The following CNTNAP2 variants were observed in gnomAD, a reference collection of about 807,000 sequenced individuals.
CNTNAP2 encodes the protein contactin-associated protein-like 2.
A neutral mutation model predicts 155.2 loss-of-function variants in CNTNAP2; 98 were observed. The observed-to-expected ratio is 0.63, with a 90% CI of 0.54 to 0.75. CNTNAP2 has a LOEUF of 0.75. Ranked by LOEUF, CNTNAP2 falls within the 30% of genes least tolerant of loss-of-function variation. CNTNAP2 has a pLI of 0.00. For synonymous variants in CNTNAP2, 651 were observed against 631.2 expected, an observed-to-expected ratio of 1.03 and a Z score of -0.47; for missense variants, 1,727 against 1,688.1, an observed-to-expected ratio of 1.02 and a Z score of -0.40.
At chr7:147,738,719 A>G (rs1426998241) in intron 13 of CNTNAP2, among the ~76,000 whole-genome samples, 2 of 147,168 alleles carry the variant, frequency 1.4e-5, no homozygotes, top group African/African-American at 2.5e-5. Flanking sequence ...CAGTGGTGCA[A>G]TCTTGGGTCA....
chr7:146,296,132 G>C (rs1800511039), intron 1 of CNTNAP2, among the ~76,000 whole-genome samples: 1 of 152,088 alleles, frequency 6.6e-6, no homozygotes, highest in Non-Finnish European at 1.5e-5. Flanking sequence ...TCTGATGTTG[G>C]AATCACAAGG....
At chr7:148,331,470 T>G (rs1242241815) in intron 21 of CNTNAP2, among the ~76,000 whole-genome samples, 5 of 122,396 alleles carry the variant, frequency 4.1e-5, no homozygotes, top group African/African-American at 1.6e-4. Context: ...GATGGATAGA[T>G]GGAGTGGACG....
At chr7:147,015,106 T>C (rs1369006591) in intron 3 of CNTNAP2, among the ~76,000 whole-genome samples, 1 of 152,044 alleles carries the variant, frequency 6.6e-6, no homozygotes, top group African/African-American at 2.4e-5. Context: ...TTTTTTTTCT[T>C]TTTTCCCTCA....
intron 9 of CNTNAP2, among the ~76,000 whole-genome samples, chr7:147,309,882 A>C (rs1036205127): frequency 1.3e-5 from 2 of 152,122 alleles, no homozygotes; most frequent in African/African-American, 4.8e-5. Context: ...TAATACAAAA[A>C]AATTTTTAAG....
intron 3 of CNTNAP2, among the ~76,000 whole-genome samples, chr7:147,006,866 G>A (rs1798535151): frequency 1.3e-5 from 2 of 151,944 alleles, no homozygotes; most frequent in African/African-American, 4.8e-5. Flanking sequence ...GACACACAGG[G>A]GCAATTCAGC....
intron 3 of CNTNAP2, among the ~76,000 whole-genome samples, chr7:146,865,901 C>A (rs1390129042): frequency 6.6e-6 from 1 of 152,074 alleles, no homozygotes; most frequent in African/African-American, 2.4e-5. Flanking sequence ...AACACAATGA[C>A]CCGTTTTCCT....
At chr7:147,242,093 T>G (rs1479102175) in intron 8 of CNTNAP2, among the ~76,000 whole-genome samples, 1 of 152,230 alleles carries the variant, frequency 6.6e-6, no homozygotes, top group Non-Finnish European at 1.5e-5. Flanking sequence ...TTTGTAAATG[T>G]TTTTCTTTGA....
chr7:147,637,196 A>G (rs1795194912), intron 12 of CNTNAP2, among the ~76,000 whole-genome samples: 1 of 152,090 alleles, frequency 6.6e-6, no homozygotes, highest in Admixed American at 6.6e-5. Flanking sequence ...CTTATATTTG[A>G]AAAACCTCAC....
intron 8 of CNTNAP2, among the ~76,000 whole-genome samples, chr7:147,190,226 C>T (rs778198232): frequency 5.3e-5 from 8 of 152,020 alleles, no homozygotes; most frequent in Non-Finnish European, 7.4e-5. Context: ...AACAAGAGGC[C>T]GAATTCATCT....
intron 13 of CNTNAP2, 23 bp downstream of exon 13, chr7:147,639,329 C>T: frequency 2.5e-6 from 4 of 1,605,376 alleles, no homozygotes; most frequent in Non-Finnish European, 3.4e-6. Flanking sequence ...TGGAATGTTA[C>T]TTTTAATCAC....
chr7:146,258,957 C>G (rs1799879980), intron 1 of CNTNAP2, among the ~76,000 whole-genome samples: 2 of 152,198 alleles, frequency 1.3e-5, no homozygotes, highest in South Asian at 4.2e-4. Flanking sequence ...AAGTTGTAAT[C>G]GCGAAGTGTT....
At chr7:146,917,238 A>G (rs975274149) in intron 3 of CNTNAP2, among the ~76,000 whole-genome samples, 7 of 151,948 alleles carry the variant, frequency 4.6e-5, no homozygotes, top group East Asian at 1.9e-4. Flanking sequence ...CATATGATCT[A>G]TCTTGGAGAA....
chr7:147,671,281 C>T (rs1235128943), intron 13 of CNTNAP2, among the ~76,000 whole-genome samples: 1 of 152,204 alleles, frequency 6.6e-6, no homozygotes, highest in Non-Finnish European at 1.5e-5. Context: ...GGGGAAATAT[C>T]CTGCTTCACT....
chr7:147,515,287 A>G (rs1799099511), intron 11 of CNTNAP2, among the ~76,000 whole-genome samples: 1 of 137,070 alleles, frequency 7.3e-6, no homozygotes, highest in South Asian at 2.4e-4. Context: ...TATCTCCCTT[A>G]TCTGCTTTAT....
chr7:147,961,963 A>C (rs555501622), intron 14 of CNTNAP2, among the ~76,000 whole-genome samples: 2 of 152,360 alleles, frequency 1.3e-5, no homozygotes, highest in South Asian at 4.1e-4. Flanking sequence ...GAAAGGCAAC[A>C]GAAAAGTAGT....
chr7:147,642,302 C>A (rs1035349890), intron 13 of CNTNAP2, among the ~76,000 whole-genome samples: 1 of 152,000 alleles, frequency 6.6e-6, no homozygotes, highest in Non-Finnish European at 1.5e-5. Context: ...TATTAAACTC[C>A]AAAGTCAGCT....
chr7:146,815,382 A>T (rs1261680054), intron 2 of CNTNAP2, among the ~76,000 whole-genome samples: 2 of 152,174 alleles, frequency 1.3e-5, no homozygotes, highest in African/African-American at 4.8e-5. Context: ...ATTTACTGAA[A>T]TTCGTAATGA....
intron 13 of CNTNAP2, among the ~76,000 whole-genome samples, chr7:147,801,713 A>G (rs1172978993): frequency 6.6e-6 from 1 of 152,150 alleles, no homozygotes; most frequent in Admixed American, 6.5e-5. Flanking sequence ...AAAGTCTCCC[A>G]TGTCTACTTC....
chr7:148,027,242 G>C (rs980418120), intron 15 of CNTNAP2, among the ~76,000 whole-genome samples: 1 of 152,184 alleles, frequency 6.6e-6, no homozygotes, highest in Non-Finnish European at 1.5e-5. Flanking sequence ...GGCCTATTCA[G>C]ATTAATATCT....
Sources: gnomAD v4.1 joint callset for allele counts (sites outside exome capture counted in the v4.1 genomes callset) on GRCh38, gnomAD v4.1.1 for gene constraint, MANE v1.5 for transcripts, NCBI Gene and HGNC (gene_info 2026-07-23, HGNC 2026-07-21) for gene names.